The following CRB1 variants were observed in gnomAD, a reference collection of about 807,000 sequenced individuals.
CRB1 encodes the protein protein crumbs homolog 1.
CRB1 carries 83 observed loss-of-function variants against 120.0 expected under a neutral mutation model. That is an observed-to-expected ratio of 0.69 (90% CI 0.58 to 0.83). CRB1 has a LOEUF of 0.83. Among genes scored for constraint, CRB1 ranks in the 40% least tolerant of loss-of-function variants. The probability of loss-of-function intolerance (pLI) is 0.00; values close to 1 mark genes in which losing one functional copy is unlikely to be tolerated. For synonymous variants in CRB1, 625 were observed against 612.5 expected, an observed-to-expected ratio of 1.02 and a Z score of -0.30; for missense variants, 1,699 against 1,687.6, an observed-to-expected ratio of 1.01 and a Z score of -0.12.
At chr1:197,358,922 C>G (rs1238996881) in intron 5 of CRB1, among the ~76,000 whole-genome samples, 2 of 152,146 alleles carry the variant, frequency 1.3e-5, no homozygotes, top group Non-Finnish European at 2.9e-5. Flanking sequence ...GACACAATAG[C>G]TAGAACTGGT....
At chr1:197,351,364 C>CAAA (rs35672792) in intron 4 of CRB1, among the ~76,000 whole-genome samples, 17 of 86,002 alleles carry the variant, frequency 2.0e-4, no homozygotes, top group Admixed American at 4.3e-4. Flanking sequence ...TGAGACTTGG[C>CAAA]AAAAAAAAAA....
the CRB1 span, among the ~76,000 whole-genome samples, chr1:197,229,833 C>T: frequency 3.9e-5 from 6 of 151,932 alleles, no homozygotes; most frequent in Admixed American, 1.3e-4. Context: ...CTTTTCCTCA[C>T]GATTTAAGCA....
intron 5 of CRB1, among the ~76,000 whole-genome samples, chr1:197,371,934 C>T (rs1478144941): frequency 6.6e-6 from 1 of 152,054 alleles, no homozygotes; most frequent in Non-Finnish European, 1.5e-5. Context: ...TCTTAGGATT[C>T]CCAGTAAGAA....
chr1:197,429,555 G>A lies in CRB1; in HGVS notation c.2783G>A (p.Cys928Tyr), dbSNP rs863223341. Residue 928 changes from cysteine (C) to tyrosine (Y), a missense_variant, in exon 8 of 12, where the codon TGT becomes TAT. Physicochemically the swap from Cys to Tyr is radical, Grantham distance 194 (BLOSUM62 -2). Transcript: ENST00000367400. ...AAAGCCTGTGAGGAGGTTCAGTGGT[G>A]TGGATTCAGCCCGTGTCCTCACGGA... The part of the protein sequence containing the change: ...SGKACEEVQW[C>Y]GFSPCPHGAQ... 6.2e-7 allele frequency: 1 copy of A among 1,614,054 alleles called. No homozygotes were observed.
In CRB1 at chr1:197,268,308, G is replaced by A. The variant is rs1654709642; in HGVS notation, c.-105G>A. The A allele has an allele frequency of 3.7e-6, 3 of 811,360 alleles. No individual in the cohort carries two copies. Among genetic ancestry groups the A allele is most frequent in the South Asian group, 2.7e-5 (2 of 74,418 alleles). 50.3% of individuals were successfully genotyped at this position (811,360 alleles called of 1,614,324 possible). A position where few individuals can be genotyped will look rare whatever the true frequency, so the allele number is the denominator to read the frequency against. On this transcript the variant is annotated 5_prime_UTR_variant, in exon 1 of 12. Coordinates refer to ENST00000367400, the MANE Select transcript of CRB1 (RefSeq NM_201253.3). ...GTAGGGTGGGACAGAGATGGCACCT[G>A]GGGGTTCTGAGGCACCCGCTCCTCT...
intron 1 of CRB1, among the ~76,000 whole-genome samples, chr1:197,316,798 C>T (rs1367499676): frequency 6.6e-6 from 1 of 151,138 alleles, no homozygotes; most frequent in East Asian, 2.0e-4. Flanking sequence ...TAAACAAGTT[C>T]AGTAAAGTTT....
In CRB1 at chr1:197,409,039, A is replaced by G. The variant is rs191821452; in HGVS notation, c.1172-11961A>G. ...AAGATCTCAGAATACTTTCCACACA[A>G]TAGACTGAATCAAATCTTCCTCTGG... On this transcript the variant is annotated intron_variant, in intron 5 of 11. Transcript: ENST00000367400. Among the ~76,000 whole-genome samples the G allele has an allele frequency of 1.1e-4, 16 of 152,296 alleles. No homozygotes were observed. The East Asian group carries it at 2.9e-3, about 28-fold the overall frequency.
At position 197,431,463 on chromosome 1, in the gene CRB1, T is replaced by C. The variant is rs150025278; in HGVS notation, c.2842+1849T>C. 6.2e-4 allele frequency among the ~76,000 whole-genome samples: 95 copies of C among 152,338 alleles called. 1 individual carries two copies. Among genetic ancestry groups the C allele is most frequent in the East Asian group, 3.8e-3 (20 of 5,196 alleles). On this transcript the variant is annotated intron_variant, in intron 8 of 11. Coordinates refer to ENST00000367400, the MANE Select transcript of CRB1 (RefSeq NM_201253.3). The stretch of plus-strand genomic sequence containing the variant: ...TTCTACTTCTTTAATTATTCTAAAA[T>C]AATTTCTTAATTATTAATTTTACTG...
chr1:197,294,473 T>A (rs112142187), intron 1 of CRB1, among the ~76,000 whole-genome samples: 19 of 152,250 alleles, frequency 1.2e-4, no homozygotes, highest in African/African-American at 4.3e-4. Context: ...ATAAACTAAT[T>A]CAACCGTTGT....
At chr1:197,337,327 G>A (rs1283355473) in intron 2 of CRB1, among the ~76,000 whole-genome samples, 1 of 152,138 alleles carries the variant, frequency 6.6e-6, no homozygotes, top group Non-Finnish European at 1.5e-5. Context: ...CAAAGGGGAT[G>A]AGCCAAAAAA....
At chr1:197,302,796 G>A (rs1413864004) in intron 1 of CRB1, among the ~76,000 whole-genome samples, 1 of 152,160 alleles carries the variant, frequency 6.6e-6, no homozygotes, top group African/African-American at 2.4e-5. Context: ...GTCAGCTTGG[G>A]CTAAAATCTG....
chr1:197,463,087 G>A (rs745552147), intron 11 of CRB1, among the ~76,000 whole-genome samples: 37 of 152,100 alleles, frequency 2.4e-4, no homozygotes, highest in African/African-American at 5.1e-4. Context: ...TGTTTTATAA[G>A]AGCCACAACC....
At chr1:197,423,560 G>C (rs1664438336) in intron 6 of CRB1, among the ~76,000 whole-genome samples, 1 of 152,032 alleles carries the variant, frequency 6.6e-6, no homozygotes, top group Non-Finnish European at 1.5e-5. Context: ...TGTATTTTCT[G>C]TTATCTTGAA....
In CRB1 at chr1:197,374,398, C is replaced by A. The variant is rs145188540; in HGVS notation, c.1171+17385C>A. Among the ~76,000 whole-genome samples, 999 of 152,176 alleles carry A rather than the reference C, an allele frequency of 6.6e-3. 17 individuals carry two copies. Among genetic ancestry groups the A allele is most frequent in the African/African-American group, 0.023 (963 of 41,508 alleles). On this transcript the variant is annotated intron_variant, in intron 5 of 11. Transcript: ENST00000367400. Reference sequence around the variant, plus strand: ...AGAGCTGCTTCCTATCCATGTATATCCTGATATCTGATGAGTGTCAGGGCC... The same window carrying A: ...AGAGCTGCTTCCTATCCATGTATATACTGATATCTGATGAGTGTCAGGGCC...
intron 5 of CRB1, among the ~76,000 whole-genome samples, chr1:197,404,491 C>G (rs893673902): frequency 6.2e-5 from 9 of 145,782 alleles, no homozygotes; most frequent in African/African-American, 1.0e-4. Context: ...TGTCAGATGA[C>G]GTTAGTCACC....
chr1:197,465,286 A>G (rs1051591238), intron 11 of CRB1, among the ~76,000 whole-genome samples: 1 of 152,188 alleles, frequency 6.6e-6, no homozygotes, highest in African/African-American at 2.4e-5. Context: ...TAAATGCTTT[A>G]GATTCCTCAA....
intron 11 of CRB1, among the ~76,000 whole-genome samples, chr1:197,456,665 T>G (rs1462676662): frequency 6.6e-6 from 1 of 152,086 alleles, no homozygotes; most frequent in Non-Finnish European, 1.5e-5. Flanking sequence ...TGATATAAAT[T>G]TACCCTTTCC....
the CRB1 span, among the ~76,000 whole-genome samples, chr1:197,241,825 G>A: frequency 3.2e-4 from 48 of 152,068 alleles, no homozygotes; most frequent in South Asian, 1.0e-2. Flanking sequence ...CCATCCATGA[G>A]CATGGAATGT....
intron 11 of CRB1, among the ~76,000 whole-genome samples, chr1:197,465,328 G>A (rs1666706263): frequency 6.6e-6 from 1 of 151,946 alleles, no homozygotes; most frequent in Non-Finnish European, 1.5e-5. Flanking sequence ...TGCTTCTGTT[G>A]TGCTTTTGCG....
Sources: gnomAD v4.1 joint callset for allele counts (sites outside exome capture counted in the v4.1 genomes callset) on GRCh38, gnomAD v4.1.1 for gene constraint, MANE v1.5 for transcripts, NCBI Gene and HGNC (gene_info 2026-07-23, HGNC 2026-07-21) for gene names.